ENPP2: variants seen among roughly 807,000 people sequenced by gnomAD.
ENPP2 encodes the protein autotaxin.
Under a neutral mutation model 120.2 loss-of-function variants are expected in ENPP2, and 51 were observed. The ratio of observed to expected loss-of-function variants is 0.42; its 90% CI spans 0.34 to 0.54. The LOEUF is 0.54. Ranked by LOEUF, ENPP2 falls within the 20% of genes least tolerant of loss-of-function variation. The probability of loss-of-function intolerance (pLI) is 0.04; values close to 1 mark genes in which losing one functional copy is unlikely to be tolerated. For missense variants in ENPP2, 920 were observed against 1,066.5 expected (o/e 0.86, Z 1.91); for synonymous variants, 365 against 366.4 (o/e 1.00, Z 0.04).
chr8:119,583,787 A>G lies in ENPP2; in HGVS notation c.1473T>C (p.Tyr491=). 1.3e-6 allele frequency: 2 copies of G among 1,593,396 alleles called. No individual in the cohort carries two copies. The highest frequency in any genetic ancestry group is 1.3e-5 in the African/African-American group (1 of 74,424). ...TAGTCTTGTACTTAAATGTTGAGCC[A>G]TAACCTACAAAAACAGTCTTCCAAA... ...VNSMQTVFVG[Y]GSTFKYKTKV... Residue 491 remains tyrosine (Y), a synonymous_variant, in exon 17 of 25, where the codon TAT becomes TAC. Coordinates refer to ENST00000075322, the MANE Select transcript of ENPP2 (RefSeq NM_001040092.3).
chr8:119,653,575 G>A (rs1817684644), intron 1 of ENPP2, among the ~76,000 whole-genome samples: 1 of 152,182 alleles, frequency 6.6e-6, no homozygotes, highest in Non-Finnish European at 1.5e-5. Context: ...AGTGAGGCCA[G>A]TGTGGCTGGA....
intron 2 of ENPP2, among the ~76,000 whole-genome samples, chr8:119,627,689 C>T (rs1024431916): frequency 6.6e-6 from 1 of 151,910 alleles, no homozygotes; most frequent in African/African-American, 2.4e-5. Flanking sequence ...CAGTAAAACC[C>T]AGTCTCTACT....
intron 2 of ENPP2, among the ~76,000 whole-genome samples, chr8:119,633,045 A>G (rs1482389281): frequency 6.6e-6 from 1 of 152,198 alleles, no homozygotes; most frequent in Non-Finnish European, 1.5e-5. Flanking sequence ...ACAAGAGCGA[A>G]ACTCCATCTC....
chr8:119,669,736 G>A (rs994311348), intron 1 of ENPP2, among the ~76,000 whole-genome samples: 6 of 152,158 alleles, frequency 3.9e-5, no homozygotes, highest in Non-Finnish European at 5.9e-5. Flanking sequence ...GGTGTATCCT[G>A]CATTTTTTTC....
At position 119,657,661 on chromosome 8, in the gene ENPP2, C is replaced by T. The variant is rs924306901; in HGVS notation, c.21+15591G>A. ...CATCAGCCTAACCTCTCTGAAATAC[C>T]CGCATTCCCAACCAGGCTTGTGACC... On this transcript the variant is annotated intron_variant, in intron 1 of 25. Transcript: ENST00000427067. 5.3e-5 allele frequency among the ~76,000 whole-genome samples: 8 copies of T among 152,192 alleles called. No homozygotes were observed. In the South Asian group the frequency reaches 8.3e-4, roughly 16 times the overall value.
At chr8:119,591,005 A>AAAAC (rs1813466252) in intron 12 of ENPP2, among the ~76,000 whole-genome samples, 1 of 151,306 alleles carries the variant, frequency 6.6e-6, no homozygotes, top group South Asian at 2.1e-4. Flanking sequence ...TAAAAAAAAA[A>AAAAC]AAAAAAAAAA....
At position 119,588,870 on chromosome 8, in the gene ENPP2, G is replaced by A. The variant is rs544096099; in HGVS notation, c.1207+1635C>T. ...TTCAATTCTGAAGAACTTAGTCTTTGCAGGCTAACAGTCCTCATTTTGTGT... is the reference window on the plus strand; with the variant it reads ...TTCAATTCTGAAGAACTTAGTCTTTACAGGCTAACAGTCCTCATTTTGTGT... On this transcript the variant is annotated intron_variant, in intron 13 of 24. Coordinates refer to ENST00000075322, the MANE Select transcript of ENPP2 (RefSeq NM_001040092.3). Among the ~76,000 whole-genome samples, 5 of 152,294 alleles carry A rather than the reference G, an allele frequency of 3.3e-5. No individual in the cohort carries two copies. The South Asian group carries it at 1.0e-3, about 32-fold the overall frequency.
intron 4 of ENPP2, among the ~76,000 whole-genome samples, chr8:119,619,724 A>AG (rs1407233692): frequency 1.3e-5 from 2 of 152,090 alleles, no homozygotes; most frequent in Non-Finnish European, 2.9e-5. Flanking sequence ...AAAAAAAAAA[A>AG]AAAGTCTTAG....
At chr8:119,670,775 A>G (rs376957858) in intron 1 of ENPP2, among the ~76,000 whole-genome samples, 1 of 152,244 alleles carries the variant, frequency 6.6e-6, no homozygotes, top group Non-Finnish European at 1.5e-5. Flanking sequence ...GCCTAAATTC[A>G]TATATGATAT....
chr8:119,558,523 A>G (rs567775052), intron 24 of ENPP2, among the ~76,000 whole-genome samples: 1 of 152,266 alleles, frequency 6.6e-6, no homozygotes, highest in African/African-American at 2.4e-5. Context: ...CAAGTTGCAG[A>G]TGAAAGACAT....
intron 2 of ENPP2, among the ~76,000 whole-genome samples, chr8:119,630,753 A>G (rs1288598813): frequency 1.3e-5 from 2 of 152,186 alleles, no homozygotes; most frequent in Admixed American, 1.3e-4. Context: ...ATTAGGATAT[A>G]CCTATGTCAA....
intron 12 of ENPP2, among the ~76,000 whole-genome samples, chr8:119,591,875 A>G (rs1471222967): frequency 6.6e-6 from 1 of 152,148 alleles, no homozygotes; most frequent in Non-Finnish European, 1.5e-5. Context: ...AAAGTCCCCA[A>G]ATACCTATTA....
At chr8:119,577,732 T>C (rs1340743814) in intron 19 of ENPP2, among the ~76,000 whole-genome samples, 1 of 152,210 alleles carries the variant, frequency 6.6e-6, no homozygotes, top group South Asian at 2.1e-4. Context: ...TTTGAAGCCA[T>C]GAATTAGAAA....
At chr8:119,610,549 T>C (rs1304724994) in intron 8 of ENPP2, among the ~76,000 whole-genome samples, 4 of 151,372 alleles carry the variant, frequency 2.6e-5, no homozygotes, top group African/African-American at 9.7e-5. Flanking sequence ...TTCAGAGATA[T>C]AAGTGTCAAA....
chr8:119,651,018 C>A (rs1440316580), intron 1 of ENPP2, among the ~76,000 whole-genome samples: 1 of 150,482 alleles, frequency 6.6e-6, no homozygotes, highest in African/African-American at 2.4e-5. Context: ...TCAGATAGAT[C>A]AAGGCTCACT....
At position 119,580,157 on chromosome 8, in the gene ENPP2, T is replaced by C. The variant is rs547709660; in HGVS notation, c.1739A>G (p.Asp580Gly). 7 of 1,612,890 alleles carry C rather than the reference T, an allele frequency of 4.3e-6. No homozygotes were observed. In the African/African-American group the frequency reaches 8.0e-5, roughly 18 times the overall value. The change falls in exon 19 of 25, where the codon GAT becomes GGT. Residue 580 changes from aspartate (D) to glycine (G), a missense_variant. Coordinates refer to ENST00000075322, the MANE Select transcript of ENPP2 (RefSeq NM_001040092.3). ...DDKVEPKNKL[D>G]ELNKRLHTKG... ...TGTATGAAGCCGTTTGTTGAGTTCA[T>C]CCAACTTGTTCTTCATGTGTGAAAA...
chr8:119,655,674 A>G (rs1817748882), intron 1 of ENPP2, among the ~76,000 whole-genome samples: 1 of 152,238 alleles, frequency 6.6e-6, no homozygotes, highest in Admixed American at 6.5e-5. Context: ...GATGTTGTAC[A>G]GAGATTATCT....
intron 1 of ENPP2, among the ~76,000 whole-genome samples, chr8:119,666,940 C>A (rs1249101628): frequency 6.6e-6 from 1 of 152,116 alleles, no homozygotes; most frequent in African/African-American, 2.4e-5. Context: ...GCCTGGTCTA[C>A]TCTGAGAGCA....
At position 119,583,983 on chromosome 8, in the gene ENPP2, A is replaced by G. The variant is rs758783776; in HGVS notation, c.1434T>C (p.Asp478=). ...ATACCTGCATGCTGTTGACCTTGTT[A>G]TCAAATCCGTGGTCTCCCTGGAAAA... is the stretch of plus-strand genomic sequence containing the variant. ...KCFFQGDHGF[D]NKVNSMQTVF... Residue 478 remains aspartate (D), a synonymous_variant, in exon 16 of 25, where the codon GAT becomes GAC. Transcript: ENST00000075322. 1 of 1,613,700 alleles carries G rather than the reference A, an allele frequency of 6.2e-7. No individual in the cohort carries two copies. The highest frequency in any genetic ancestry group is 1.1e-5 in the South Asian group (1 of 91,080).
Sources: gnomAD v4.1 joint callset for allele counts (sites outside exome capture counted in the v4.1 genomes callset) on GRCh38, gnomAD v4.1.1 for gene constraint, MANE v1.5 for transcripts, NCBI Gene and HGNC (gene_info 2026-07-23, HGNC 2026-07-21) for gene names.